The following NLGN1 variants were observed in gnomAD, a reference collection of about 807,000 sequenced individuals.
The protein encoded by NLGN1 is neuroligin 1.
In NLGN1, 12 loss-of-function variants were observed where a neutral mutation model predicts 65.5. The observed-to-expected ratio is 0.18, with a 90% confidence interval of 0.12 to 0.30. The LOEUF (loss-of-function observed/expected upper bound fraction) is 0.30, where lower values mean the gene tolerates loss of function less well. NLGN1 is among the 10% of genes least tolerant of loss of function. NLGN1 has a pLI of 1.00. For missense variants in NLGN1, 750 were observed against 1,007.1 expected, an observed-to-expected ratio of 0.74 and a Z score of 3.46; for synonymous variants, 350 against 359.5, an observed-to-expected ratio of 0.97 and a Z score of 0.30.
chr3:173,717,039 C>G (rs963155194), intron 3 of NLGN1, among the ~76,000 whole-genome samples: 1 of 152,160 alleles, frequency 6.6e-6, no homozygotes, highest in African/African-American at 2.4e-5. Context: ...TTAAGTGACT[C>G]TAGCTTTAGA....
intron 4 of NLGN1, among the ~76,000 whole-genome samples, chr3:173,888,470 C>G (rs1343914734): frequency 1.3e-5 from 2 of 151,206 alleles, no homozygotes; most frequent in African/African-American, 2.4e-5. Context: ...TTCTTTGTTC[C>G]CAGTAAATTT....
chr3:174,057,493 G>A lies in NLGN1; in HGVS notation c.647-217822G>A, dbSNP rs1327826841. 3 of 152,184 alleles carry A rather than the reference G, an allele frequency of 2.0e-5. No individual in the cohort carries two copies. In the East Asian group the frequency reaches 5.8e-4, roughly 29 times the overall value. 9.4% of individuals were successfully genotyped at this position (152,184 alleles called of 1,614,324 possible). On this transcript the variant is annotated intron_variant, in intron 4 of 6. Coordinates refer to ENST00000457714, the Ensembl canonical transcript of NLGN1. ...ACAAAATCTTCCAGCAAGACATGGGGCATAGAAATGAGTTGCTTCCTAACA... is the reference window on the plus strand; with the variant it reads ...ACAAAATCTTCCAGCAAGACATGGGACATAGAAATGAGTTGCTTCCTAACA...
intron 2 of NLGN1, among the ~76,000 whole-genome samples, chr3:173,445,199 C>T (rs1377299422): frequency 2.2e-4 from 31 of 137,984 alleles, no homozygotes; most frequent in Non-Finnish European, 2.3e-4. Flanking sequence ...ACCCGGGAGG[C>T]GGAGCTTGCA....
chr3:173,519,380 T>C (rs982786394), intron 2 of NLGN1, among the ~76,000 whole-genome samples: 2 of 152,166 alleles, frequency 1.3e-5, no homozygotes, highest in Non-Finnish European at 1.5e-5. Flanking sequence ...GAATGGTAGA[T>C]CTACCGGCAG....
intron 3 of NLGN1, among the ~76,000 whole-genome samples, chr3:173,616,798 C>A (rs1753171339): frequency 6.6e-6 from 1 of 152,208 alleles, no homozygotes; most frequent in Non-Finnish European, 1.5e-5. Flanking sequence ...GCAATCTCTT[C>A]TACACATAGC....
intron 4 of NLGN1, among the ~76,000 whole-genome samples, chr3:174,262,436 G>A (rs367654128): frequency 7.4e-6 from 1 of 135,488 alleles, no homozygotes; most frequent in African/African-American, 2.9e-5. Context: ...GTCAAGGAAT[G>A]TATCCATTTC....
intron 4 of NLGN1, among the ~76,000 whole-genome samples, chr3:173,990,778 C>A (rs1720926102): frequency 6.6e-6 from 1 of 151,848 alleles, no homozygotes; most frequent in African/African-American, 2.4e-5. Flanking sequence ...AATATTTTAT[C>A]CTAATGAAAG....
chr3:174,020,791 C>T (rs962564671), intron 4 of NLGN1, among the ~76,000 whole-genome samples: 32 of 151,968 alleles, frequency 2.1e-4, no homozygotes, highest in African/African-American at 4.8e-4. Flanking sequence ...ATGGGAGAGA[C>T]GGGTAAAATA....
intron 4 of NLGN1, among the ~76,000 whole-genome samples, chr3:173,962,817 C>T (rs185603952): frequency 6.6e-6 from 1 of 152,182 alleles, no homozygotes; most frequent in East Asian, 1.9e-4. Flanking sequence ...AAAGTTGATG[C>T]TCAATATACC....
intron 2 of NLGN1, among the ~76,000 whole-genome samples, chr3:173,460,247 G>A (rs1376110741): frequency 6.6e-6 from 1 of 151,976 alleles, no homozygotes; most frequent in Non-Finnish European, 1.5e-5. Context: ...ATACTCATAA[G>A]ATAGCTAGAC....
intron 3 of NLGN1, among the ~76,000 whole-genome samples, chr3:173,682,588 CAA>C (rs755337219): frequency 9.7e-5 from 4 of 41,400 alleles, no homozygotes; most frequent in African/African-American, 3.3e-4. Context: ...GACACTGTCT[CAA>C]AAAAAAAAAA....
At chr3:173,752,969 G>A (rs1413167147) in intron 3 of NLGN1, among the ~76,000 whole-genome samples, 1 of 151,976 alleles carries the variant, frequency 6.6e-6, no homozygotes, top group East Asian at 1.9e-4. Context: ...TCCAAGAAAG[G>A]CCAAACCCTT....
At chr3:174,237,097 T>A (rs1332873204) in intron 4 of NLGN1, among the ~76,000 whole-genome samples, 1 of 152,114 alleles carries the variant, frequency 6.6e-6, no homozygotes, top group African/African-American at 2.4e-5. Context: ...ATAATTATCA[T>A]ATAATTAATT....
At chr3:173,504,509 T>C (rs531548133) in intron 2 of NLGN1, among the ~76,000 whole-genome samples, 2 of 152,222 alleles carry the variant, frequency 1.3e-5, no homozygotes, top group African/African-American at 4.8e-5. Flanking sequence ...CATATCTTTC[T>C]GTTAAAATAT....
At chr3:173,971,378 G>A (rs1218260238) in intron 4 of NLGN1, among the ~76,000 whole-genome samples, 1 of 151,988 alleles carries the variant, frequency 6.6e-6, no homozygotes, top group African/African-American at 2.4e-5. Context: ...GGAAGTGATT[G>A]AGACAAAAAG....
intron 4 of NLGN1, among the ~76,000 whole-genome samples, chr3:173,893,921 A>C (rs1735844921): frequency 6.6e-6 from 1 of 152,046 alleles, no homozygotes; most frequent in African/African-American, 2.4e-5. Flanking sequence ...CGTGCTACTC[A>C]CATCCTTTAT....
At chr3:173,406,320 T>A (rs978890588) in intron 1 of NLGN1, among the ~76,000 whole-genome samples, 7 of 151,640 alleles carry the variant, frequency 4.6e-5, no homozygotes, top group Non-Finnish European at 7.4e-5. Flanking sequence ...ACTATATATA[T>A]AAATGTTCTT....
At chr3:173,627,096 C>A (rs1042586882) in intron 3 of NLGN1, among the ~76,000 whole-genome samples, 1 of 152,032 alleles carries the variant, frequency 6.6e-6, no homozygotes, top group Non-Finnish European at 1.5e-5. Context: ...CTCTGATCTA[C>A]CATGGGTTTT....
intron 2 of NLGN1, among the ~76,000 whole-genome samples, chr3:173,591,684 A>AT (rs201853314): frequency 0.012 from 1,861 of 152,090 alleles, 7 homozygotes; most frequent in Non-Finnish European, 0.018. Context: ...GCAACAAGGG[A>AT]TTTTTTTTAA....
Sources: gnomAD v4.1 joint callset for allele counts (sites outside exome capture counted in the v4.1 genomes callset) on GRCh38, gnomAD v4.1.1 for gene constraint, MANE v1.5 for transcripts, NCBI Gene and HGNC (gene_info 2026-07-23, HGNC 2026-07-21) for gene names.